XIRP2: variants seen among roughly 807,000 people sequenced by gnomAD.
XIRP2 encodes xin actin binding repeat containing 2.
XIRP2 carries 236 observed loss-of-function variants against 277.0 expected under a neutral mutation model. The observed-to-expected ratio is 0.85, with a 90% CI of 0.77 to 0.95. XIRP2 has a LOEUF of 0.95. Among genes scored for constraint, XIRP2 ranks in the 40% least tolerant of loss-of-function variants. The pLI, the probability that XIRP2 is intolerant of heterozygous loss-of-function variation, is 0.00. For synonymous variants in XIRP2, 1,490 were observed against 1,416.5 expected (o/e 1.05, Z -1.17); for missense variants, 4,640 against 4,157.5 (o/e 1.12, Z -3.19).
At chr2:167,153,000 A>G (rs1007818788) in intron 3 of XIRP2, among the ~76,000 whole-genome samples, 7 of 152,106 alleles carry the variant, frequency 4.6e-5, no homozygotes, top group Non-Finnish European at 8.8e-5. Context: ...GTGTATCTAC[A>G]TGATTATTTT....
chr2:166,932,201 A>ACT (rs560235482), intron 2 of XIRP2, among the ~76,000 whole-genome samples: 13 of 134,790 alleles, frequency 9.6e-5, no homozygotes, highest in Admixed American at 4.6e-4. Flanking sequence ...ATGTATACAC[A>ACT]CTCTCTCTCT....
At chr2:167,024,050 A>G (rs1688069552) in intron 2 of XIRP2, among the ~76,000 whole-genome samples, 1 of 152,026 alleles carries the variant, frequency 6.6e-6, no homozygotes, top group African/African-American at 2.4e-5. Flanking sequence ...CTTGTGCAGT[A>G]TGGCCATTTT....
intron 2 of XIRP2, among the ~76,000 whole-genome samples, chr2:166,984,516 A>C (rs907342362): frequency 2.0e-5 from 3 of 152,170 alleles, no homozygotes; most frequent in African/African-American, 7.2e-5. Flanking sequence ...TAATATTATA[A>C]GACAAAATAT....
chr2:166,954,522 G>A (rs1211865017), intron 2 of XIRP2, among the ~76,000 whole-genome samples: 4 of 151,960 alleles, frequency 2.6e-5, no homozygotes, highest in Non-Finnish European at 5.9e-5. Flanking sequence ...ATTCCTCAAA[G>A]ATTAAGAACC....
intron 4 of XIRP2, among the ~76,000 whole-genome samples, chr2:167,214,110 G>A (rs1380155198): frequency 8.5e-6 from 1 of 117,740 alleles, no homozygotes; most frequent in East Asian, 2.4e-4. Context: ...AGGAAGGAAG[G>A]AAGGAAGGAA....
At chr2:166,928,776 C>T (rs890725843) in intron 2 of XIRP2, among the ~76,000 whole-genome samples, 1 of 152,040 alleles carries the variant, frequency 6.6e-6, no homozygotes, top group Non-Finnish European at 1.5e-5. Flanking sequence ...GTCTGATTCC[C>T]CTCCACTACT....
At chr2:167,089,267 CATT>C (rs1690071689) in intron 2 of XIRP2, among the ~76,000 whole-genome samples, 1 of 152,130 alleles carries the variant, frequency 6.6e-6, no homozygotes, top group Admixed American at 6.5e-5. Flanking sequence ...TTCTAAAACT[CATT>C]ATTAGAGATT....
chr2:167,246,087 C>G lies in XIRP2; in HGVS notation c.4695C>G (p.Ile1565Met). 1 of 1,613,644 alleles carries G rather than the reference C, an allele frequency of 6.2e-7. No homozygotes were observed. Among genetic ancestry groups the G allele is most frequent in the Non-Finnish European group, 8.5e-7 (1 of 1,179,788 alleles). ...TLEDLYSQKV[I>M]QAPGIIIEAD... Reference sequence around the variant, plus strand: ...AAGATCTCTACTCTCAAAAAGTTATCCAGGCTCCTGGAATCATCATTGAAG... The same window carrying G: ...AAGATCTCTACTCTCAAAAAGTTATGCAGGCTCCTGGAATCATCATTGAAG... Residue 1565 changes from isoleucine (I) to methionine (M), a missense_variant, in exon 9 of 11, where the codon ATC (isoleucine) becomes ATG (methionine). Transcript: ENST00000409195.
chr2:167,243,477 G>A lies in XIRP2; in HGVS notation c.2085G>A (p.Met695Ile), dbSNP rs756406300. 1 of 1,613,942 alleles carries A rather than the reference G, an allele frequency of 6.2e-7. No homozygotes were observed. Among genetic ancestry groups the A allele is most frequent in the Non-Finnish European group, 8.5e-7 (1 of 1,179,974 alleles). The change falls in exon 9 of 11, where the codon ATG (methionine) becomes ATA (isoleucine). Residue 695 changes from methionine to isoleucine, a missense_variant. Physicochemically the swap from Met to Ile is conservative, Grantham distance 10 (BLOSUM62 1). Coordinates refer to ENST00000409195, the MANE Select transcript of XIRP2 (RefSeq NM_152381.6). ...GGGATGTCAAGACTGTGAGATACAT[G>A]TTTGAAACTCAACATCTAGATCAAC... ...TGGDVKTVRY[M>I]FETQHLDQLG... is the part of the protein sequence containing the mutation.
At chr2:167,122,329 C>T (rs990303160) in intron 2 of XIRP2, among the ~76,000 whole-genome samples, 21 of 152,148 alleles carry the variant, frequency 1.4e-4, no homozygotes, top group African/African-American at 5.1e-4. Context: ...TTACTTCCAG[C>T]TGTAAAATGA....
intron 5 of XIRP2, among the ~76,000 whole-genome samples, chr2:167,220,332 A>G (rs1559027013): frequency 6.6e-6 from 1 of 152,184 alleles, no homozygotes; most frequent in Non-Finnish European, 1.5e-5. Context: ...TAACTGTTTG[A>G]CATTAGACAA....
chr2:166,906,941 C>T (rs2105340245), intron 2 of XIRP2, among the ~76,000 whole-genome samples: 1 of 152,202 alleles, frequency 6.6e-6, no homozygotes, highest in Non-Finnish European at 1.5e-5. Context: ...ACATTATTTT[C>T]TATAAGTGTG....
rs113827005 is a variant in XIRP2, at chr2:167,087,640, C to T, written c.409-48269C>T. Among the ~76,000 whole-genome samples, 11 of 152,348 alleles carry T rather than the reference C, an allele frequency of 7.2e-5. 1 individual carries two copies. The highest frequency in any genetic ancestry group is 4.1e-4 in the South Asian group (2 of 4,830). On this transcript the variant is annotated intron_variant, in intron 2 of 10. Coordinates refer to ENST00000409195, the MANE Select transcript of XIRP2 (RefSeq NM_152381.6). ...CCGAGCCAGGTGCGGGATATAATCT[C>T]GTGGTGTGCCGTTTTTTAAGCCGGT...
intron 3 of XIRP2, chr2:167,184,489 G>C (rs1384472651): frequency 1.5e-6 from 1 of 682,374 alleles, no homozygotes. Context: ...CAGTTTTGTT[G>C]CTCCAGTCCC....
intron 2 of XIRP2, among the ~76,000 whole-genome samples, chr2:167,109,883 G>C (rs978880034): frequency 7.2e-5 from 11 of 151,922 alleles, no homozygotes; most frequent in African/African-American, 2.7e-4. Flanking sequence ...GTATGAGATG[G>C]TATCTCTTTG....
At chr2:167,014,769 T>C (rs900164127) in intron 2 of XIRP2, among the ~76,000 whole-genome samples, 2 of 151,842 alleles carry the variant, frequency 1.3e-5, no homozygotes, top group Admixed American at 6.6e-5. Context: ...ATTTATTGTG[T>C]GCCATTTCCT....
intron 2 of XIRP2, among the ~76,000 whole-genome samples, chr2:167,105,433 T>A (rs1298019717): frequency 2.6e-5 from 4 of 151,986 alleles, no homozygotes; most frequent in African/African-American, 9.7e-5. Flanking sequence ...AGAATTGGCT[T>A]TCTTCATTCA....
At chr2:166,907,753 T>A (rs1249508334) in intron 2 of XIRP2, among the ~76,000 whole-genome samples, 11 of 111,574 alleles carry the variant, frequency 9.9e-5, no homozygotes, top group Non-Finnish European at 2.0e-4. Flanking sequence ...CCTAAGGCTA[T>A]CCCTCCCCCC....
intron 2 of XIRP2, among the ~76,000 whole-genome samples, chr2:167,056,802 C>T (rs1689048365): frequency 6.6e-6 from 1 of 152,122 alleles, no homozygotes; most frequent in Non-Finnish European, 1.5e-5. Context: ...CCTCCATATC[C>T]TCCTTCCCTC....
Sources: gnomAD v4.1 joint callset for allele counts (sites outside exome capture counted in the v4.1 genomes callset) on GRCh38, gnomAD v4.1.1 for gene constraint, MANE v1.5 for transcripts, NCBI Gene and HGNC (gene_info 2026-07-23, HGNC 2026-07-21) for gene names.